SBNO1: variants seen among roughly 807,000 people sequenced by gnomAD.
SBNO1 encodes the protein strawberry notch homolog 1.
A neutral mutation model predicts 173.6 loss-of-function variants in SBNO1; 23 were observed. That is an observed-to-expected ratio of 0.13 (90% confidence interval 0.10 to 0.19). The LOEUF (loss-of-function observed/expected upper bound fraction) is 0.19. Among genes scored for constraint, SBNO1 ranks in the 10% least tolerant of loss-of-function variants. The pLI is 1.00. For synonymous variants in SBNO1, 632 were observed against 571.5 expected (o/e 1.11, Z -1.51); for missense variants, 1,238 against 1,671.2 (o/e 0.74, Z 4.52).
chr12:123,323,948 G>A, intron 15 of SBNO1, 117 bp from the exon 16 acceptor site: 1 of 752,056 alleles, frequency 1.3e-6, no homozygotes, highest in Non-Finnish European at 1.9e-6. Flanking sequence ...TGATAAACGA[G>A]CTCAAATAAA....
Position 123,350,383 on chromosome 12 carries a change from G to A in SBNO1, c.59C>T (p.Pro20Leu), listed in dbSNP as rs2139074581. The change falls in exon 2 of 32, where the codon CCG becomes CTG. Residue 20 changes from proline (P) to leucine (L), a missense_variant. By Grantham distance (98) the Pro-to-Leu change is moderately conservative (BLOSUM62 -3). Transcript: ENST00000602398. ...LAALSESGIS[P>L]NDLFDIDGGD... ...ACCATCAATATCAAAGAGGTCATTCGGACTAATTCCACTCTCACTCAAAGC... is the reference window on the plus strand; with the variant it reads ...ACCATCAATATCAAAGAGGTCATTCAGACTAATTCCACTCTCACTCAAAGC... 5 of 1,613,928 alleles carry A rather than the reference G, an allele frequency of 3.1e-6. No individual in the cohort carries two copies. Among genetic ancestry groups the A allele is most frequent in the African/African-American group, 1.3e-5 (1 of 75,014 alleles).
chr12:123,337,887 T>C (rs1487857661), intron 5 of SBNO1, among the ~76,000 whole-genome samples: 1 of 152,190 alleles, frequency 6.6e-6, no homozygotes, highest in African/African-American at 2.4e-5. Flanking sequence ...CTCCTACCTA[T>C]AGTTTTTTAA....
intron 24 of SBNO1, among the ~76,000 whole-genome samples, chr12:123,312,165 C>T (rs758089427): frequency 8.6e-5 from 13 of 151,912 alleles, no homozygotes; most frequent in Non-Finnish European, 1.9e-4. Flanking sequence ...GCCTCCACCT[C>T]CTAGGCTCAA....
At chr12:123,345,778 T>C (rs926117245) in intron 3 of SBNO1, among the ~76,000 whole-genome samples, 3 of 152,146 alleles carry the variant, frequency 2.0e-5, no homozygotes, top group African/African-American at 7.2e-5. Context: ...CAAGTGATTC[T>C]TGTACCTCAA....
At position 123,295,696 on chromosome 12, in the gene SBNO1, A is replaced by T. The variant is rs1303874622; in HGVS notation, c.*212T>A. 1 of 561,614 alleles carries T rather than the reference A, an allele frequency of 1.8e-6. No individual in the cohort carries two copies. Among genetic ancestry groups the T allele is most frequent in the Non-Finnish European group, 3.2e-6 (1 of 315,738 alleles). 34.8% of individuals were successfully genotyped at this position (561,614 alleles called of 1,614,324 possible). A position where few individuals can be genotyped will look rare whatever the true frequency, so the allele number is the denominator to read the frequency against. ...AAAAGCAGATGGGAATTATCAGGGG[A>T]GAAGCTAAAGGAAAGACATATGTAC... On this transcript the variant is annotated 3_prime_UTR_variant, in exon 32 of 32. Transcript: ENST00000602398.
chr12:123,325,425 AG>A, intron 15 of SBNO1, 76 bp downstream of exon 15: 1 of 1,005,472 alleles, frequency 9.9e-7, no homozygotes, highest in Non-Finnish European at 1.5e-6. Flanking sequence ...TTTTGTCTCC[AG>A]GAAATGCCCA....
At position 123,321,669 on chromosome 12, in the gene SBNO1, G is replaced by A. The variant is rs776068916; in HGVS notation, c.2189C>T (p.Ser730Phe). Reference sequence around the variant, plus strand: ...ATCAGATTCACTTCCACTGTCGTCAGAACTGCTACCAGTAAGGCCACCTAC... The same window carrying A: ...ATCAGATTCACTTCCACTGTCGTCAAAACTGCTACCAGTAAGGCCACCTAC... Reference protein sequence around the residue: ...RKVGGLTGSSSDDSGSESDAS... With the variant: ...RKVGGLTGSSFDDSGSESDAS... The change falls in exon 17 of 32, where the codon TCT becomes TTT. Residue 730 changes from serine to phenylalanine, a missense_variant. Ser to Phe is a radical substitution (Grantham distance 155). Coordinates refer to ENST00000602398, the MANE Select transcript of SBNO1 (RefSeq NM_001167856.3). 6.2e-7 allele frequency: 1 copy of A among 1,613,890 alleles called. No individual in the cohort carries two copies. Among genetic ancestry groups the A allele is most frequent in the East Asian group, 2.2e-5 (1 of 44,880 alleles).
At position 123,295,374 on chromosome 12, in the gene SBNO1, A is replaced by G. The variant is rs1349890092; in HGVS notation, c.*534T>C. 6.6e-6 allele frequency: 1 copy of G among 152,258 alleles called. No individual in the cohort carries two copies. The highest frequency in any genetic ancestry group is 2.4e-5 in the African/African-American group (1 of 41,448). The allele number at this position is 152,258 out of a possible 1,614,324, so 9.4% of individuals were successfully genotyped here. ...CTGTCAGAACAAAAATTAGAAAATA[A>G]CCTGAATGCATGATATGCAACCTTT... is the stretch of plus-strand genomic sequence containing the variant. On this transcript the variant is annotated 3_prime_UTR_variant, in exon 32 of 32. Transcript: ENST00000602398.
At chr12:123,348,352 G>A (rs1385412953) in intron 2 of SBNO1, among the ~76,000 whole-genome samples, 1 of 152,204 alleles carries the variant, frequency 6.6e-6, no homozygotes, top group Non-Finnish European at 1.5e-5. Flanking sequence ...GGCCGGGAGT[G>A]GTGGCTCATG....
intron 2 of SBNO1, among the ~76,000 whole-genome samples, chr12:123,349,779 G>A (rs929512849): frequency 3.3e-5 from 5 of 152,140 alleles, no homozygotes; most frequent in South Asian, 2.1e-4. Context: ...GCCAGGCGTC[G>A]TGGCCCATGC....
Position 123,344,411 on chromosome 12 carries a change from GAC to G in SBNO1, c.550+845_550+846del, listed in dbSNP as rs544472061. 1.5e-3 allele frequency among the ~76,000 whole-genome samples: 231 copies of G among 152,274 alleles called. 2 individuals are homozygous for G. Among genetic ancestry groups the G allele is most frequent in the Admixed American group, 4.3e-3 (66 of 15,284 alleles). ...AAAGACAAAAAACTACAGCCACAAG[GAC>G]ACAGTGGTATGGACCCAAACATAAA... On this transcript the variant is annotated intron_variant, in intron 4 of 31. Transcript: ENST00000602398.
chr12:123,347,755 G>C (rs1283894024), intron 3 of SBNO1, among the ~76,000 whole-genome samples: 2 of 151,686 alleles, frequency 1.3e-5, no homozygotes, highest in African/African-American at 4.8e-5. Flanking sequence ...GGCTGGTCTT[G>C]AACTCCTGAC....
intron 24 of SBNO1, 89 bp from the exon 25 acceptor site, chr12:123,311,218 T>A: frequency 6.5e-6 from 6 of 925,568 alleles, no homozygotes; most frequent in Non-Finnish European, 8.7e-6. Context: ...GTAAGTAGTA[T>A]CATGCCATTT....
intron 16 of SBNO1, among the ~76,000 whole-genome samples, chr12:123,323,197 T>A (rs1200448773): frequency 6.6e-6 from 1 of 152,192 alleles, no homozygotes; most frequent in Non-Finnish European, 1.5e-5. Context: ...ATTCCTAATT[T>A]AAAACGGGGA....
In SBNO1 at chr12:123,321,831, C is replaced by T. The variant is rs1005863337; in HGVS notation, c.2126-99G>A. 12 of 1,008,826 alleles carry T rather than the reference C, an allele frequency of 1.2e-5. No homozygotes were observed. The Admixed American group carries it at 1.6e-4, about 13-fold the overall frequency. The allele number at this position is 1,008,826 out of a possible 1,614,324, so 62.5% of individuals were successfully genotyped here. On this transcript the variant is annotated intron_variant, in intron 16 of 31. Coordinates refer to ENST00000602398, the MANE Select transcript of SBNO1 (RefSeq NM_001167856.3). ...CATGAATTAATTCAAATGAAAAGTG[C>T]AGAGGAAAAGTATTTAGGTTAAGTC... is the stretch of plus-strand genomic sequence containing the variant.
At chr12:123,363,828 C>T (rs1875706276) in intron 1 of SBNO1, 4 of 982,586 alleles carry the variant, frequency 4.1e-6, no homozygotes, top group Admixed American at 1.2e-4. Flanking sequence ...AACAGAAGCA[C>T]AAAGCAGGGG....
chr12:123,363,078 C>T (rs576748531), intron 1 of SBNO1, among the ~76,000 whole-genome samples: 16 of 151,822 alleles, frequency 1.1e-4, no homozygotes, highest in Non-Finnish European at 1.6e-4. Flanking sequence ...AGAGTGGGAC[C>T]CTGTCTCAAA....
intron 9 of SBNO1, among the ~76,000 whole-genome samples, chr12:123,329,643 T>A (rs1870984556): frequency 6.6e-6 from 1 of 152,098 alleles, no homozygotes; most frequent in Non-Finnish European, 1.5e-5. Flanking sequence ...TTCTGAATTG[T>A]ATACAGTCAT....
At chr12:123,321,376 C>T in intron 17 of SBNO1, 159 bp downstream of exon 17, 1 of 628,160 alleles carries the variant, frequency 1.6e-6, no homozygotes, top group East Asian at 2.8e-5. Context: ...ATATGAGGCT[C>T]AAACTTCCAG....
Sources: allele counts gnomAD v4.1 joint callset (sites outside exome capture counted in the v4.1 genomes callset), GRCh38; gene constraint gnomAD v4.1.1; transcripts MANE v1.5; gene names NCBI Gene and HGNC (gene_info 2026-07-23, HGNC 2026-07-21).